TAS2R30: variants seen among roughly 807,000 people sequenced by gnomAD.
TAS2R30 encodes the protein taste receptor type 2 member 30.
For synonymous variants in TAS2R30, 141 were observed against 131.6 expected (o/e 1.07, Z -0.49); for missense variants, 395 against 371.6 (o/e 1.06, Z -0.52).
At chr12:11,133,779 T>C (rs769179305) in exon 1 of TAS2R30, 15 of 1,614,192 alleles carry the variant, frequency 9.3e-6, no homozygotes, top group Non-Finnish European at 1.1e-5. Context: ...TCATATTCTT[T>C]TGTCCATACA....
At chr12:11,133,282 C>A in exon 1 of TAS2R30, 2 of 1,599,276 alleles carry the variant, frequency 1.3e-6, no homozygotes, top group African/African-American at 2.7e-5. Flanking sequence ...AGTTTGTTTT[C>A]TGCTAGAAGA....
At chr12:11,134,303 G>A in exon 1 of TAS2R30, 6 of 1,206,230 alleles carry the variant, frequency 5.0e-6, no homozygotes, top group Non-Finnish European at 6.8e-6. Context: ...GGTTGTGATT[G>A]CTTGAATATC....
chr12:11,133,686 G>A, exon 1 of TAS2R30: 2 of 1,614,206 alleles, frequency 1.2e-6, no homozygotes, highest in Non-Finnish European at 1.7e-6. Context: ...AGAGTGAGGG[G>A]TACAAAGTTT....
rs568876081 is a variant in TAS2R30, at chr12:11,133,417, T to A, written c.828A>T (p.Pro276=). ...TCTTGTTTCCCAAAATCAGGATGAA[T>A]GGGTGGGTTGAAGGATAGCTGAATA... is the stretch of plus-strand genomic sequence containing the variant. Residue 276 remains proline, a synonymous_variant, in exon 1 of 1, where the codon CCA becomes CCT. Transcript: ENST00000539585. 35 of 1,591,190 alleles carry A rather than the reference T, an allele frequency of 2.2e-5. No homozygotes were observed. In the East Asian group the frequency reaches 6.5e-4, roughly 30 times the overall value.
At chr12:11,133,813 A>T in exon 1 of TAS2R30, 1 of 1,614,200 alleles carries the variant, frequency 6.2e-7, no homozygotes, top group South Asian at 1.1e-5. Context: ...TTATCACAAA[A>T]AGATGACAAA....
In TAS2R30 at chr12:11,133,706, G is replaced by A. The variant is rs770956931; in HGVS notation, c.539C>T (p.Thr180Ile). The change falls in exon 1 of 1, where the codon ACC becomes ATC. Residue 180 changes from threonine (T) to isoleucine (I), a missense_variant. Physicochemically the swap from Thr to Ile is moderately conservative, Grantham distance 89. Coordinates refer to ENST00000539585, the Ensembl canonical transcript of TAS2R30. The stretch of plus-strand genomic sequence containing the variant: ...GAGGGGTACAAAGTTTGCTAGCATG[G>A]TTAGAGTCATATTTGAATGGTACAT... 1.9e-6 allele frequency: 3 copies of A among 1,614,080 alleles called. No individual in the cohort carries two copies. The African/African-American group carries it at 4.0e-5, about 22-fold the overall frequency.
chr12:11,133,608 C>G, exon 1 of TAS2R30: 2 of 1,614,254 alleles, frequency 1.2e-6, no homozygotes, highest in South Asian at 1.1e-5. Flanking sequence ...GATCCTTTGC[C>G]ATGGAGCTGC....
At chr12:11,134,440 C>G in exon 1 of TAS2R30, 1 of 627,240 alleles carries the variant, frequency 1.6e-6, no homozygotes, top group Non-Finnish European at 2.6e-6. Flanking sequence ...TCAATGCTCT[C>G]TTTATGGAAA....
At position 11,134,313 on chromosome 12, in the gene TAS2R30, C is replaced by T. The variant is rs1946484659; in HGVS notation, c.-69G>A. The T allele has an allele frequency of 2.2e-6, 3 of 1,355,028 alleles. No homozygotes were observed. In the African/African-American group the frequency reaches 4.4e-5, roughly 20 times the overall value. 83.9% of individuals were successfully genotyped at this position (1,355,028 alleles called of 1,614,324 possible). A position where few individuals can be genotyped will look rare whatever the true frequency, so the allele number is the denominator to read the frequency against. ...TCACTGGTTGTGATTGCTTGAATAT[C>T]CTGACCTTAAATTCTATATGCACCT... On this transcript the variant is annotated 5_prime_UTR_variant, in exon 1 of 1. Transcript: ENST00000539585.
At chr12:11,133,774 T>G (rs199973521) in exon 1 of TAS2R30, 190 of 1,614,102 alleles carry the variant, frequency 1.2e-4, no homozygotes, top group Non-Finnish European at 1.5e-4. Flanking sequence ...TTCCTTCATA[T>G]TCTTTTGTCC....
chr12:11,134,512 G>T, exon 1 of TAS2R30: 1 of 418,524 alleles, frequency 2.4e-6, no homozygotes, highest in Non-Finnish European at 4.2e-6. Flanking sequence ...TCTTGTTATA[G>T]GCTGGAATTA....
At chr12:11,134,049 A>G in exon 1 of TAS2R30, 1 of 1,614,148 alleles carries the variant, frequency 6.2e-7, no homozygotes, top group South Asian at 1.1e-5. Flanking sequence ...GTTGCATACC[A>G]ATGTAGTAAT....
chr12:11,133,184 G>T (rs1946423602), exon 1 of TAS2R30: 2 of 1,443,914 alleles, frequency 1.4e-6, no homozygotes, highest in East Asian at 2.4e-5. Flanking sequence ...TTAGGTAAAA[G>T]ACTTTTCTAG....
chr12:11,133,585 G>C, exon 1 of TAS2R30: 1 of 1,332,512 alleles, frequency 7.5e-7, no homozygotes, highest in Non-Finnish European at 1.0e-6. Flanking sequence ...GGACCTTGGT[G>C]CTGGGATCTT....
At chr12:11,133,120 T>TAC (rs10645657) in exon 1 of TAS2R30, 225,459 of 485,358 alleles carry the variant, frequency 0.46, 30,045 homozygotes, top group East Asian at 0.63. Context: ...CAGTTTTTCA[T>TAC]ACACACACAC....
chr12:11,134,602 A>C lies in TAS2R30; in HGVS notation c.-358T>G, dbSNP rs896288997. ...GGACATGTTCACTTCCAGTGTTTGC[A>C]ATTTTTCCTTGTGTAACCTCTCCAT... On this transcript the variant is annotated 5_prime_UTR_variant, in exon 1 of 1. It adds an upstream start codon to the 5' untranslated region. Coordinates refer to ENST00000539585, the Ensembl canonical transcript of TAS2R30. 13 of 224,252 alleles carry C rather than the reference A, an allele frequency of 5.8e-5. No homozygotes were observed. The highest frequency in any genetic ancestry group is 2.1e-4 in the Admixed American group (4 of 19,454). The allele number at this position is 224,252 out of a possible 1,614,324, so 13.9% of individuals were successfully genotyped here. A position where few individuals can be genotyped will look rare whatever the true frequency, so the allele number is the denominator to read the frequency against.
At chr12:11,134,561 G>C (rs1220501853) in exon 1 of TAS2R30, 1 of 298,860 alleles carries the variant, frequency 3.3e-6, no homozygotes, top group Non-Finnish European at 6.2e-6. Context: ...ATTCTCATTT[G>C]CTAGTATGCA....
chr12:11,133,090 A>C (rs7313796), exon 1 of TAS2R30: 137,777 of 613,824 alleles, frequency 0.22, 16,025 homozygotes, highest in Non-Finnish European at 0.23. Context: ...AATAAAAAGC[A>C]TGTTATTGTC....
At chr12:11,134,139 C>A (rs575303769) in exon 1 of TAS2R30, 46 of 1,614,064 alleles carry the variant, frequency 2.8e-5, no homozygotes, top group East Asian at 8.9e-5. Context: ...TGTCTCTTGA[C>A]CCACTCAATG....
Sources: gnomAD v4.1 joint callset for allele counts on GRCh38, gnomAD v4.1.1 for gene constraint, MANE v1.5 for transcripts, NCBI Gene and HGNC (gene_info 2026-07-23, HGNC 2026-07-21) for gene names.